Variants in CTH observed in about 807,000 individuals in gnomAD.
CTH encodes cystathionase (cystathionine gamma-lyase).
CTH carries 41 observed loss-of-function variants against 50.6 expected under a neutral mutation model. The ratio of observed to expected loss-of-function variants is 0.81; its 90% CI spans 0.63 to 1.05. The LOEUF (loss-of-function observed/expected upper bound fraction) is 1.05, where lower values mean the gene tolerates loss of function less well. CTH is among the 50% of genes least tolerant of loss of function. The pLI is 0.00. For missense variants in CTH, 470 were observed against 492.6 expected (o/e 0.95, Z 0.43); for synonymous variants, 156 against 168.9 (o/e 0.92, Z 0.59).
chr1:70,421,599 A>G lies in CTH; in HGVS notation c.380A>G (p.Glu127Gly). 6.2e-7 allele frequency: 1 copy of G among 1,613,908 alleles called. No homozygotes were observed. The change falls in exon 4 of 12, where the codon GAA becomes GGA. Residue 127 changes from glutamate to glycine, a missense_variant. Glu to Gly is a moderately conservative substitution (Grantham distance 98, BLOSUM62 -2). Transcript: ENST00000370938. The part of the protein sequence containing the change: ...TNRYFRQVAS[E>G]FGLKISFVDC... ...AGGTACTTCAGGCAAGTGGCATCTG[A>G]ATTTGGATTAAAGATTTCTTTTGTT...
intron 3 of CTH, among the ~76,000 whole-genome samples, chr1:70,418,901 G>T (rs1684153125): frequency 6.6e-6 from 1 of 151,684 alleles, no homozygotes; most frequent in Admixed American, 6.6e-5. Context: ...CCCATCTATG[G>T]CTCTAAATTT....
At chr1:70,434,746 ATT>A (rs35606808) in intron 9 of CTH, 225 of 131,454 alleles carry the variant, frequency 1.7e-3, no homozygotes, top group South Asian at 4.6e-3. Context: ...AAATGCAATA[ATT>A]TTTTTTTTTT....
intron 10 of CTH, among the ~76,000 whole-genome samples, chr1:70,436,679 A>AG (rs1684605706): frequency 6.6e-6 from 1 of 152,080 alleles, no homozygotes; most frequent in Non-Finnish European, 1.5e-5. Context: ...AAAAAAAAAA[A>AG]AAAGATGTCT....
At chr1:70,413,831 T>C (rs1684029093) in intron 1 of CTH, among the ~76,000 whole-genome samples, 1 of 143,652 alleles carries the variant, frequency 7.0e-6, no homozygotes. Context: ...ATCCTCCACC[T>C]CCTGGGTTCA....
intron 1 of CTH, among the ~76,000 whole-genome samples, chr1:70,414,128 CTT>C (rs577575641): frequency 2.1e-5 from 3 of 145,978 alleles, no homozygotes; most frequent in African/African-American, 5.0e-5. Context: ...TGAATCCAAA[CTT>C]TTTTTTTTTT....
At chr1:70,415,529 G>A (rs1292104023) in intron 1 of CTH, among the ~76,000 whole-genome samples, 1 of 152,076 alleles carries the variant, frequency 6.6e-6, no homozygotes, top group African/African-American at 2.4e-5. Flanking sequence ...AATGAAAAAA[G>A]GTGAGTCTAA....
intron 2 of CTH, among the ~76,000 whole-genome samples, chr1:70,417,411 C>T (rs1397573121): frequency 6.6e-6 from 1 of 151,692 alleles, no homozygotes; most frequent in Non-Finnish European, 1.5e-5. Context: ...CAGTCTCCCT[C>T]GTAGCTGGGA....
chr1:70,429,698 T>C, intron 5 of CTH, 96 bp from the exon 6 acceptor site: 2 of 883,444 alleles, frequency 2.3e-6, no homozygotes, highest in South Asian at 1.4e-5. Flanking sequence ...TTAGTATTGA[T>C]TAGAATAAGA....
At chr1:70,423,396 CAAAA>C (rs984929771) in intron 4 of CTH, among the ~76,000 whole-genome samples, 2 of 132,152 alleles carry the variant, frequency 1.5e-5, no homozygotes, top group Non-Finnish European at 3.3e-5. Flanking sequence ...CCTTTCTCTG[CAAAA>C]AAAAAAAAAT....
chr1:70,421,491 T>C (rs1557464831), intron 3 of CTH, 75 bp from the exon 4 acceptor site: 1 of 1,445,644 alleles, frequency 6.9e-7, no homozygotes, highest in East Asian at 2.3e-5. Context: ...ATTTTGTAAG[T>C]GTTTATACAT....
chr1:70,419,509 C>G (rs537016840), intron 3 of CTH, among the ~76,000 whole-genome samples: 1 of 152,080 alleles, frequency 6.6e-6, no homozygotes, highest in African/African-American at 2.4e-5. Flanking sequence ...TTTTAATGAT[C>G]GCCATTCTAA....
intron 1 of CTH, among the ~76,000 whole-genome samples, chr1:70,415,190 CAGG>C (rs975113479): frequency 1.3e-5 from 2 of 152,078 alleles, no homozygotes; most frequent in Non-Finnish European, 2.9e-5. Flanking sequence ...TGCTTGAGGT[CAGG>C]AGTTCAAGAC....
Position 70,439,253 on chromosome 1 carries a change from C to A in CTH, c.*126C>A. 1.2e-6 allele frequency: 1 copy of A among 840,104 alleles called. No homozygotes were observed. Among genetic ancestry groups the A allele is most frequent in the Non-Finnish European group, 2.0e-6 (1 of 489,960 alleles). 52.0% of individuals were successfully genotyped at this position (840,104 alleles called of 1,614,324 possible). On this transcript the variant is annotated 3_prime_UTR_variant, in exon 12 of 12. Coordinates refer to ENST00000370938, the MANE Select transcript of CTH (RefSeq NM_001902.6). Reference sequence around the variant, plus strand: ...AATTTTAAGGCACCTCATTATCTTTCATAACTGTAATTTTCTTAGGGATCA... The same window carrying A: ...AATTTTAAGGCACCTCATTATCTTTAATAACTGTAATTTTCTTAGGGATCA...
At chr1:70,423,106 A>G (rs1330686667) in intron 4 of CTH, among the ~76,000 whole-genome samples, 1 of 151,762 alleles carries the variant, frequency 6.6e-6, no homozygotes, top group Admixed American at 6.6e-5. Context: ...TATTTTTTTT[A>G]TTATCAGTAG....
At chr1:70,416,870 G>A (rs1684105001) in intron 2 of CTH, among the ~76,000 whole-genome samples, 1 of 151,368 alleles carries the variant, frequency 6.6e-6, no homozygotes, top group Non-Finnish European at 1.5e-5. Flanking sequence ...CCTTTTTTTT[G>A]TATTTTTAGT....
intron 3 of CTH, among the ~76,000 whole-genome samples, chr1:70,418,365 C>G (rs968911687): frequency 1.3e-5 from 2 of 152,070 alleles, no homozygotes; most frequent in Non-Finnish European, 2.9e-5. Flanking sequence ...TTCTCATGCC[C>G]TAGCCTCCTG....
chr1:70,429,647 G>A (rs1684420870), intron 5 of CTH, 147 bp from the exon 6 acceptor site: 1 of 642,736 alleles, frequency 1.6e-6, no homozygotes, highest in African/African-American at 1.8e-5. Context: ...AATAATATCA[G>A]AGATCCTGGA....
chr1:70,419,619 G>A (rs1684168626), intron 3 of CTH, among the ~76,000 whole-genome samples: 1 of 152,202 alleles, frequency 6.6e-6, no homozygotes, highest in Non-Finnish European at 1.5e-5. Flanking sequence ...GTTAATGGGT[G>A]TAGCACACCA....
intron 7 of CTH, 43 bp from the exon 8 acceptor site, chr1:70,432,040 A>G: frequency 6.2e-7 from 1 of 1,611,828 alleles, no homozygotes; most frequent in Non-Finnish European, 8.5e-7. Context: ...TTTCTTGGCC[A>G]TACCCTGCCT....
Sources: gnomAD v4.1 joint callset for allele counts (sites outside exome capture counted in the v4.1 genomes callset) on GRCh38, gnomAD v4.1.1 for gene constraint, MANE v1.5 for transcripts, NCBI Gene and HGNC (gene_info 2026-07-23, HGNC 2026-07-21) for gene names.